KIF26A: variants seen among roughly 807,000 people sequenced by gnomAD.
The protein encoded by KIF26A is kinesin family member 26A, also known as kinesin-like protein KIF26A.
A neutral mutation model predicts 126.0 loss-of-function variants in KIF26A; 74 were observed. That is an observed-to-expected ratio of 0.59 (90% CI 0.49 to 0.71). The LOEUF is 0.71. KIF26A is among the 30% of genes least tolerant of loss of function. The probability of loss-of-function intolerance (pLI) is 0.00; values close to 1 mark genes in which losing one functional copy is unlikely to be tolerated. For synonymous variants in KIF26A, 1,445 were observed against 1,232.7 expected (o/e 1.17, Z -3.61); for missense variants, 2,984 against 2,763.3 (o/e 1.08, Z -1.79).
rs2141104418 is a variant in KIF26A, at chr14:104,162,423, T to A, written c.924-4436T>A. The stretch of plus-strand genomic sequence containing the variant: ...CTGAGATCTGTGCTGCGGACGCTGC[T>A]CCTGGGAGGGTCACTGGAGGGGCAG... On this transcript the variant is annotated intron_variant, in intron 4 of 14. Transcript: ENST00000423312. 2.6e-5 allele frequency among the ~76,000 whole-genome samples: 4 copies of A among 152,284 alleles called. No homozygotes were observed. The Middle Eastern group carries it at 0.014, about 518-fold the overall frequency.
intron 4 of KIF26A, among the ~76,000 whole-genome samples, chr14:104,159,016 G>A (rs2037809324): frequency 6.6e-6 from 1 of 152,236 alleles, no homozygotes; most frequent in African/African-American, 2.4e-5. Flanking sequence ...CGCCGGCCCT[G>A]GGGACCGTGT....
At chr14:104,139,961 T>C (rs2037621816) in intron 2 of KIF26A, among the ~76,000 whole-genome samples, 2 of 151,896 alleles carry the variant, frequency 1.3e-5, no homozygotes, top group East Asian at 3.9e-4. Context: ...CTGCCGGCTT[T>C]GGAGGGAGCA....
In KIF26A at chr14:104,179,729, G is replaced by A. The variant is rs368547145; in HGVS notation, c.5588G>A (p.Cys1863Tyr). ...AAGGCGCACGTCATGATGGTCACCT[G>A]CTTCGACATCAGCGTTGCAGCCAGT... ...LCKAHVMMVTCFDISVAASAA... is the reference protein window; with the variant it reads ...LCKAHVMMVTYFDISVAASAA... Residue 1863 changes from cysteine (C) to tyrosine (Y), a missense_variant, in exon 15 of 15, where the codon TGC (cysteine) becomes TAC (tyrosine). Physicochemically the swap from Cys to Tyr is radical, Grantham distance 194. Coordinates refer to ENST00000423312, the MANE Select transcript of KIF26A (RefSeq NM_015656.2). The A allele has an allele frequency of 1.3e-6, 2 of 1,553,968 alleles. No individual in the cohort carries two copies. Among genetic ancestry groups the A allele is most frequent in the Non-Finnish European group, 1.7e-6 (2 of 1,149,394 alleles).
chr14:104,167,162 G>A, intron 5 of KIF26A, 114 bp downstream of exon 5: 1 of 1,213,442 alleles, frequency 8.2e-7, no homozygotes, highest in Non-Finnish European at 1.1e-6. Flanking sequence ...GGTTGGATAA[G>A]GGTGGTCAGT....
intron 5 of KIF26A, among the ~76,000 whole-genome samples, chr14:104,168,507 T>C (rs900179636): frequency 6.6e-6 from 1 of 152,132 alleles, no homozygotes; most frequent in African/African-American, 2.4e-5. Context: ...TCTTACCATC[T>C]TCATAGGCCA....
chr14:104,171,628 C>A, intron 5 of KIF26A, 95 bp from the exon 6 acceptor site: 3 of 1,092,744 alleles, frequency 2.7e-6, no homozygotes, highest in Non-Finnish European at 3.9e-6. Flanking sequence ...GAGGCCTGGC[C>A]CGCTGTCCCC....
At chr14:104,178,438 A>AC (rs2038060287) in intron 12 of KIF26A, 112 bp from the exon 13 acceptor site, 1 of 779,618 alleles carries the variant, frequency 1.3e-6, no homozygotes, top group Non-Finnish European at 1.9e-6. Flanking sequence ...CCTGGACTGG[A>AC]TCCCGAAGGC....
Position 104,177,909 on chromosome 14 carries a change from A to C in KIF26A, c.5110+11A>C. On this transcript the variant is annotated intron_variant, in intron 12 of 14. Coordinates refer to ENST00000423312, the MANE Select transcript of KIF26A (RefSeq NM_015656.2). ...AGAAGAGGGCCACAGGTGGGTGCAG[A>C]GGTGCACAGCCCTCTACAGTTTACG... 1.3e-6 allele frequency: 2 copies of C among 1,510,034 alleles called. No individual in the cohort carries two copies. Among genetic ancestry groups the C allele is most frequent in the Admixed American group, 4.1e-5 (2 of 48,590 alleles). 93.5% of individuals were successfully genotyped at this position (1,510,034 alleles called of 1,614,324 possible).
At chr14:104,149,468 G>A (rs915550415) in intron 2 of KIF26A, among the ~76,000 whole-genome samples, 2 of 152,206 alleles carry the variant, frequency 1.3e-5, no homozygotes, top group Non-Finnish European at 2.9e-5. Flanking sequence ...CTTGTCCCCA[G>A]TGGGGGCTTC....
In KIF26A at chr14:104,178,789, C is replaced by G; in HGVS notation, c.5316+34C>G. 2.4e-6 allele frequency: 3 copies of G among 1,258,880 alleles called. No homozygotes were observed. The South Asian group carries it at 4.3e-5, about 18-fold the overall frequency. 78.0% of individuals were successfully genotyped at this position (1,258,880 alleles called of 1,614,324 possible). A position where few individuals can be genotyped will look rare whatever the true frequency, so the allele number is the denominator to read the frequency against. ...TTTGGTGGGCTGGGGTCTATGACCC[C>G]TGGTGGGGAGCCTGCCGCGGATGGC... On this transcript the variant is annotated intron_variant, in intron 13 of 14. Transcript: ENST00000423312.
chr14:104,141,623 C>T (rs1227417011), intron 2 of KIF26A, among the ~76,000 whole-genome samples: 4 of 150,244 alleles, frequency 2.7e-5, no homozygotes, highest in Non-Finnish European at 5.9e-5. Context: ...GTCTCCCTGC[C>T]TGTCTCCGTT....
rs143549504 is a variant in KIF26A, at chr14:104,144,782, C to T, written c.288+5494C>T. 1.7e-3 allele frequency among the ~76,000 whole-genome samples: 260 copies of T among 152,292 alleles called. 2 individuals are homozygous for T. The highest frequency in any genetic ancestry group is 5.8e-3 in the African/African-American group (239 of 41,552). On this transcript the variant is annotated intron_variant, in intron 2 of 14. Coordinates refer to ENST00000423312, the MANE Select transcript of KIF26A (RefSeq NM_015656.2). ...GTTTTTAGCTTATATTTTGTAGTTC[C>T]TGCGAGCCACCGCACAATCTTTGTG... is the stretch of plus-strand genomic sequence containing the variant.
intron 4 of KIF26A, among the ~76,000 whole-genome samples, chr14:104,162,918 T>TC (rs947117065): frequency 5.3e-5 from 8 of 151,626 alleles, no homozygotes; most frequent in East Asian, 2.0e-4. Context: ...GCCCTGCCCT[T>TC]CCCCCCGCCC....
At position 104,174,202 on chromosome 14, in the gene KIF26A, C is replaced by T; in HGVS notation, c.2085C>T (p.Arg695=). ...LRESLATAGC[R]TTMIAHVSDA... ...AATCCCTGGCCACCGCTGGCTGCCG[C>T]ACCACCATGATCGCCCACGTGTCGG... The change falls in exon 11 of 15, where the codon CGC becomes CGT. Residue 695 remains arginine, a synonymous_variant. Transcript: ENST00000423312. 2.5e-6 allele frequency: 4 copies of T among 1,589,686 alleles called. No individual in the cohort carries two copies. Among genetic ancestry groups the T allele is most frequent in the African/African-American group, 1.3e-5 (1 of 74,446 alleles).
Position 104,166,859 on chromosome 14 carries a change from G to T in KIF26A, c.924G>T (p.Arg308Ser). Residue 308 changes from arginine (R) to serine (S), a missense_variant and splice_region_variant, in exon 5 of 15, where the codon AGG becomes AGT. By Grantham distance (110) the Arg-to-Ser change is moderately radical. Transcript: ENST00000423312. The stretch of plus-strand genomic sequence containing the variant: ...TCCTGCCTCTGCCTCTCCTCCCCAG[G>T]GCTATGCAGAAGCTCAGCCTGGCCT... ...GPSAAASFFI[R>S]AMQKLSLASK... 6.4e-7 allele frequency: 1 copy of T among 1,569,898 alleles called. No individual in the cohort carries two copies. Among genetic ancestry groups the T allele is most frequent in the South Asian group, 1.2e-5 (1 of 85,130 alleles).
chr14:104,162,677 G>A (rs1220505126), intron 4 of KIF26A, among the ~76,000 whole-genome samples: 1 of 152,046 alleles, frequency 6.6e-6, no homozygotes, highest in Non-Finnish European at 1.5e-5. Context: ...GGGAGGGGCT[G>A]CAGGGGAGGG....
chr14:104,159,110 C>T (rs944637019), intron 4 of KIF26A, among the ~76,000 whole-genome samples: 5 of 152,220 alleles, frequency 3.3e-5, no homozygotes, highest in South Asian at 2.1e-4. Flanking sequence ...AGCACACCAT[C>T]GCGTTGGAGC....
chr14:104,179,239 C>A lies in KIF26A; in HGVS notation c.5320C>A (p.Leu1774Met). 1 of 1,485,334 alleles carries A rather than the reference C, an allele frequency of 6.7e-7. No homozygotes were observed. Among genetic ancestry groups the A allele is most frequent in the South Asian group, 1.3e-5 (1 of 75,940 alleles). 92.0% of individuals were successfully genotyped at this position (1,485,334 alleles called of 1,614,324 possible). A position where few individuals can be genotyped will look rare whatever the true frequency, so the allele number is the denominator to read the frequency against. Residue 1774 changes from leucine to methionine, a missense_variant, in exon 14 of 15, where the codon CTG (leucine) becomes ATG (methionine). By Grantham distance (15) the Leu-to-Met change is conservative. Transcript: ENST00000423312. ...PTPREAPTQG[L>M]ACVSTRLRLA... ...CCCCGCCCGCCCTGCCTCCCAGGGTCTGGCGTGCGTCAGTACAAGGCTGCG... is the reference window on the plus strand; with the variant it reads ...CCCCGCCCGCCCTGCCTCCCAGGGTATGGCGTGCGTCAGTACAAGGCTGCG...
In KIF26A at chr14:104,179,886, G is replaced by A. The variant is rs2038083213; in HGVS notation, c.*96G>A. ...GTGGTGGGGGCTGCGGGGGGAGGAT[G>A]CGGAGGGGTTTCTGTGCAGGACGGG... On this transcript the variant is annotated 3_prime_UTR_variant, in exon 15 of 15. Coordinates refer to ENST00000423312, the MANE Select transcript of KIF26A (RefSeq NM_015656.2). The A allele has an allele frequency of 7.9e-7, 1 of 1,272,500 alleles. No individual in the cohort carries two copies. Among genetic ancestry groups the A allele is most frequent in the Non-Finnish European group, 1.1e-6 (1 of 947,496 alleles). The allele number at this position is 1,272,500 out of a possible 1,614,324, so 78.8% of individuals were successfully genotyped here.
Sources: gnomAD v4.1 joint callset for allele counts (sites outside exome capture counted in the v4.1 genomes callset) on GRCh38, gnomAD v4.1.1 for gene constraint, MANE v1.5 for transcripts, NCBI Gene and HGNC (gene_info 2026-07-23, HGNC 2026-07-21) for gene names.